Variants in OSBP2 observed in about 807,000 individuals in gnomAD.
OSBP2 encodes oxysterol-binding protein 2.
OSBP2 carries 66 observed loss-of-function variants against 96.0 expected under a neutral mutation model. That is an observed-to-expected ratio of 0.69 (90% confidence interval 0.56 to 0.84). The LOEUF (loss-of-function observed/expected upper bound fraction) is 0.84, where lower values mean the gene tolerates loss of function less well. Among genes scored for constraint, OSBP2 ranks in the 40% least tolerant of loss-of-function variants. The pLI, the probability that OSBP2 is intolerant of heterozygous loss-of-function variation, is 0.00. For missense variants in OSBP2, 1,038 were observed against 1,222.7 expected (o/e 0.85, Z 2.25); for synonymous variants, 525 against 520.9 (o/e 1.01, Z -0.11).
chr22:30,768,679 C>CAA (rs136332), intron 2 of OSBP2, among the ~76,000 whole-genome samples: 5 of 137,374 alleles, frequency 3.6e-5, no homozygotes, highest in Admixed American at 7.3e-5. Flanking sequence ...AACTCCATCT[C>CAA]AAAAAAAAAA....
intron 1 of OSBP2, among the ~76,000 whole-genome samples, chr22:30,738,813 C>A (rs922661136): frequency 6.6e-6 from 1 of 152,302 alleles, no homozygotes; most frequent in East Asian, 1.9e-4. Flanking sequence ...CCACCTGCCT[C>A]CTCCTCCCAA....
chr22:30,766,979 G>A (rs1346888438), intron 2 of OSBP2, among the ~76,000 whole-genome samples: 6 of 151,852 alleles, frequency 4.0e-5, no homozygotes, highest in Admixed American at 6.6e-5. Flanking sequence ...TTGCTGCTCC[G>A]TAAACGTGTT....
intron 2 of OSBP2, among the ~76,000 whole-genome samples, chr22:30,868,915 A>G (rs771695741): frequency 2.6e-5 from 4 of 152,244 alleles, no homozygotes; most frequent in Admixed American, 6.5e-5. Context: ...AAAAAGTCTT[A>G]TATCTTGGGT....
chr22:30,819,246 A>C (rs1180285578), intron 2 of OSBP2, among the ~76,000 whole-genome samples: 1 of 152,154 alleles, frequency 6.6e-6, no homozygotes, highest in African/African-American at 2.4e-5. Context: ...GAGACCAGAG[A>C]ATGGCTTGAA....
chr22:30,760,403 AAAT>A (rs763271674), intron 2 of OSBP2, among the ~76,000 whole-genome samples: 26 of 152,210 alleles, frequency 1.7e-4, no homozygotes, highest in Non-Finnish European at 8.8e-5. Context: ...ATCTTCAACA[AAAT>A]ATTAACAATT....
rs1297557545 is a variant in OSBP2 at position 30,719,997 on chromosome 22, T to A, written c.645-21164T>A. ...GGTAACAGAGAGCAAACCTCTAAGA[T>A]AAGCTGATTGTTCCTTAAACAACTC... On this transcript the variant is annotated intron_variant, in intron 1 of 13. Coordinates refer to ENST00000332585, the MANE Select transcript of OSBP2 (RefSeq NM_030758.4). Among the ~76,000 whole-genome samples the A allele has an allele frequency of 2.0e-5, 3 of 152,190 alleles. No individual in the cohort carries two copies. In the East Asian group the frequency reaches 5.8e-4, roughly 29 times the overall value.
rs775580956 is a variant in OSBP2, at chr22:30,741,321, C to T, written c.805C>T (p.Leu269=). The stretch of plus-strand genomic sequence containing the variant: ...GGACCGGCAGCAGTGGATCACCGCC[C>T]TGGAGCTGGCCAAGGCCAAGGCTGT... The part of the protein sequence containing the change: ...EVDRQQWITA[L]ELAKAKAVRV... The change falls in exon 2 of 14, where the codon CTG becomes TTG. Residue 269 remains leucine (L), a synonymous_variant. Coordinates refer to ENST00000332585, the MANE Select transcript of OSBP2 (RefSeq NM_030758.4). The T allele has an allele frequency of 6.2e-7, 1 of 1,613,420 alleles. No individual in the cohort carries two copies.
At chr22:30,757,407 G>C (rs1184382953) in intron 2 of OSBP2, among the ~76,000 whole-genome samples, 1 of 151,730 alleles carries the variant, frequency 6.6e-6, no homozygotes, top group Non-Finnish European at 1.5e-5. Flanking sequence ...TTTTATCGCT[G>C]TTTTCTTTTT....
At chr22:30,834,720 GTTA>G in intron 2 of OSBP2, among the ~76,000 whole-genome samples, 1 of 151,682 alleles carries the variant, frequency 6.6e-6, no homozygotes, top group Non-Finnish European at 1.5e-5. Flanking sequence ...TCTCGTATGA[GTTA>G]TTTATATATT....
intron 2 of OSBP2, among the ~76,000 whole-genome samples, chr22:30,847,484 G>A (rs1380765989): frequency 6.6e-6 from 1 of 152,016 alleles, no homozygotes; most frequent in African/African-American, 2.4e-5. Flanking sequence ...ATTTCACCAT[G>A]TCGGCCAGGC....
intron 2 of OSBP2, among the ~76,000 whole-genome samples, chr22:30,769,835 C>T (rs1231171451): frequency 6.6e-6 from 1 of 152,124 alleles, no homozygotes; most frequent in Non-Finnish European, 1.5e-5. Context: ...TCTACCCACA[C>T]TGGATATACC....
At chr22:30,844,287 T>G (rs965080365) in intron 2 of OSBP2, among the ~76,000 whole-genome samples, 10 of 152,194 alleles carry the variant, frequency 6.6e-5, no homozygotes, top group Non-Finnish European at 2.9e-5. Context: ...ACCTGTCCTT[T>G]GAAGTCAGGC....
Position 30,881,684 on chromosome 22 carries a change from A to T in OSBP2, c.1108-5742A>T, listed in dbSNP as rs1219652502. On this transcript the variant is annotated intron_variant, in intron 3 of 13. Coordinates refer to ENST00000332585, the MANE Select transcript of OSBP2 (RefSeq NM_030758.4). The surrounding 1 kb of genome is among the most constrained non-coding windows in gnomAD (Gnocchi z 4.5). ...CACACAGCACACAGCCCAGCTCAGC[A>T]TTCTGAGAACAGCAGGGCCACGCCA... The T allele has an allele frequency of 1.0e-5, 13 of 1,303,972 alleles. No individual in the cohort carries two copies. Among genetic ancestry groups the T allele is most frequent in the Admixed American group, 2.3e-5 (1 of 43,546 alleles). 80.8% of individuals were successfully genotyped at this position (1,303,972 alleles called of 1,614,324 possible).
chr22:30,894,078 G>T, intron 12 of OSBP2, 77 bp downstream of exon 12: 1 of 1,339,842 alleles, frequency 7.5e-7, no homozygotes, highest in South Asian at 1.3e-5. Flanking sequence ...CAACTGACAG[G>T]CACAGGAGGT....
chr22:30,837,989 T>G (rs2038672361), intron 2 of OSBP2, among the ~76,000 whole-genome samples: 1 of 152,246 alleles, frequency 6.6e-6, no homozygotes, highest in Admixed American at 6.5e-5. Context: ...GTGCTTTTTA[T>G]GTACATTGTC....
At chr22:30,766,768 GA>G (rs933989126) in intron 2 of OSBP2, among the ~76,000 whole-genome samples, 47 of 152,302 alleles carry the variant, frequency 3.1e-4, no homozygotes, top group African/African-American at 1.1e-3. Flanking sequence ...ATATGGCCAG[GA>G]AGGGGAGTAC....
chr22:30,693,971 G>GAAAAA (rs11383654), upstream of OSBP2: 10 of 870,804 alleles, frequency 1.1e-5, no homozygotes, highest in Admixed American at 2.9e-5. Flanking sequence ...TCTCAAAAAG[G>GAAAAA]AAAAAAAAAA....
chr22:30,699,966 CTTT>C (rs1015256785), intron 1 of OSBP2, among the ~76,000 whole-genome samples: 2 of 141,066 alleles, frequency 1.4e-5, no homozygotes, highest in Non-Finnish European at 1.6e-5. Context: ...TTCTTTTTTT[CTTT>C]TTTTTTTTTT....
intron 1 of OSBP2, among the ~76,000 whole-genome samples, chr22:30,732,524 G>A (rs112451509): frequency 2.0e-5 from 3 of 152,154 alleles, no homozygotes; most frequent in East Asian, 1.9e-4. Flanking sequence ...ATGAGGAGCC[G>A]TAGGTGGCCA....
Sources: allele counts gnomAD v4.1 joint callset (sites outside exome capture counted in the v4.1 genomes callset), GRCh38; gene constraint gnomAD v4.1.1; non-coding constraint Gnocchi (gnomAD v3.1); transcripts MANE v1.5; gene names NCBI Gene and HGNC (gene_info 2026-07-23, HGNC 2026-07-21).